Variants in MYBL2 observed in about 807,000 individuals in gnomAD.
MYBL2 encodes the protein MYB proto-oncogene like 2.
In MYBL2, 28 loss-of-function variants were observed where a neutral mutation model predicts 79.9. The observed-to-expected ratio is 0.35, with a 90% CI of 0.26 to 0.48. The LOEUF (loss-of-function observed/expected upper bound fraction) is 0.48. Among genes scored for constraint, MYBL2 ranks in the 20% least tolerant of loss-of-function variants. The pLI, the probability that MYBL2 is intolerant of heterozygous loss-of-function variation, is 0.99. For missense variants in MYBL2, 735 were observed against 893.9 expected, an observed-to-expected ratio of 0.82 and a Z score of 2.27; for synonymous variants, 378 against 361.2, an observed-to-expected ratio of 1.05 and a Z score of -0.53.
intron 6 of MYBL2, among the ~76,000 whole-genome samples, chr20:43,699,234 C>G (rs776746023): frequency 2.0e-5 from 3 of 151,990 alleles, no homozygotes; most frequent in Non-Finnish European, 4.4e-5. Flanking sequence ...TTAGTAGAGA[C>G]AGGGTTTCAC....
rs577939297 is a variant in MYBL2 at position 43,703,331 on chromosome 20, A to G, written c.1365+428A>G. On this transcript the variant is annotated intron_variant, in intron 8 of 13. Transcript: ENST00000217026. ...AGACCTGGGATAGCCAGTGCTGGGG[A>G]TGGGCTTGTAATGAATTAACCAGAA... is the stretch of plus-strand genomic sequence containing the variant. 5.9e-5 allele frequency among the ~76,000 whole-genome samples: 9 copies of G among 152,252 alleles called. No homozygotes were observed. In the South Asian group the frequency reaches 1.9e-3, roughly 32 times the overall value.
chr20:43,716,304 TC>T lies in MYBL2; in HGVS notation c.*219del, dbSNP rs1988032896. The T allele has an allele frequency of 1.5e-6, 1 of 646,514 alleles. No homozygotes were observed. Among genetic ancestry groups the T allele is most frequent in the Non-Finnish European group, 2.5e-6 (1 of 401,636 alleles). 40.0% of individuals were successfully genotyped at this position (646,514 alleles called of 1,614,324 possible). A position where few individuals can be genotyped will look rare whatever the true frequency, so the allele number is the denominator to read the frequency against. ...CTGGTGCTAACAACAAAGTTCCACTTCCAGGTCTGCCTGGTTCCCTCCCCAA... is the reference window on the plus strand; with the variant it reads ...CTGGTGCTAACAACAAAGTTCCACTTCAGGTCTGCCTGGTTCCCTCCCCAA... On this transcript the variant is annotated 3_prime_UTR_variant, in exon 14 of 14. Coordinates refer to ENST00000217026, the MANE Select transcript of MYBL2 (RefSeq NM_002466.4).
At chr20:43,674,305 C>A (rs931996171) in intron 2 of MYBL2, among the ~76,000 whole-genome samples, 1 of 135,254 alleles carries the variant, frequency 7.4e-6, no homozygotes, top group Non-Finnish European at 1.5e-5. Context: ...GGCATAATCT[C>A]AGCTCACTGC....
chr20:43,705,523 T>G (rs956917229), intron 9 of MYBL2, among the ~76,000 whole-genome samples, 165 bp downstream of exon 9: 3 of 152,202 alleles, frequency 2.0e-5, no homozygotes, highest in African/African-American at 7.2e-5. Context: ...GATTTATCAT[T>G]TTTATCGATA....
chr20:43,672,555 A>C (rs562162800), intron 1 of MYBL2, among the ~76,000 whole-genome samples: 1 of 152,286 alleles, frequency 6.6e-6, no homozygotes, highest in Admixed American at 6.5e-5. Context: ...AGATGAGCCT[A>C]GGCAAAATAG....
chr20:43,669,912 AC>A (rs1986818653), intron 1 of MYBL2, among the ~76,000 whole-genome samples: 1 of 152,112 alleles, frequency 6.6e-6, no homozygotes, highest in Admixed American at 6.5e-5. Flanking sequence ...GACCAGCTTG[AC>A]CAATATGGTG....
chr20:43,678,064 C>T (rs1189813417), intron 2 of MYBL2, among the ~76,000 whole-genome samples: 3 of 152,106 alleles, frequency 2.0e-5, no homozygotes, highest in East Asian at 1.9e-4. Flanking sequence ...GGATTAAGGG[C>T]GGTGCAAGAT....
chr20:43,694,765 C>T (rs1322502790), intron 6 of MYBL2, among the ~76,000 whole-genome samples: 1 of 152,194 alleles, frequency 6.6e-6, no homozygotes, highest in Admixed American at 6.5e-5. Flanking sequence ...CTGACAATTT[C>T]TTGTACATCT....
chr20:43,681,373 G>A (rs1490181167), intron 2 of MYBL2, among the ~76,000 whole-genome samples: 2 of 152,156 alleles, frequency 1.3e-5, no homozygotes, highest in African/African-American at 4.8e-5. Context: ...GGTTTTGCAT[G>A]ATAGATGGTT....
chr20:43,678,323 GAAAGAAAGAAAAA>G (rs745409212), intron 2 of MYBL2, among the ~76,000 whole-genome samples: 8,300 of 62,530 alleles, frequency 0.13, 337 homozygotes, highest in Non-Finnish European at 0.19. Context: ...AAGAAAGAAA[GAAAGAAAGAAAAA>G]AAAAAAAAAA....
At chr20:43,692,072 A>G in intron 5 of MYBL2, 85 bp from the exon 6 acceptor site, 1 of 1,315,900 alleles carries the variant, frequency 7.6e-7, no homozygotes, top group Non-Finnish European at 1.1e-6. Context: ...AGGAGCAGGA[A>G]CTTGGCTTAG....
At position 43,687,037 on chromosome 20, in the gene MYBL2, C is replaced by T; in HGVS notation, c.465C>T (p.Asn155=). ...GCGAGGCCCACAAGGTGCTGGGCAACCGCTGGGCCGAGATCGCCAAGATGT... is the reference window on the plus strand; with the variant it reads ...GCGAGGCCCACAAGGTGCTGGGCAATCGCTGGGCCGAGATCGCCAAGATGT... ...IICEAHKVLG[N]RWAEIAKMLP... is the part of the protein sequence containing the mutation. Residue 155 remains asparagine, a synonymous_variant, in exon 5 of 14, where the codon AAC becomes AAT. Coordinates refer to ENST00000217026, the MANE Select transcript of MYBL2 (RefSeq NM_002466.4). The T allele has an allele frequency of 6.2e-7, 1 of 1,613,498 alleles. No individual in the cohort carries two copies. The highest frequency in any genetic ancestry group is 8.5e-7 in the Non-Finnish European group (1 of 1,180,004).
rs137869695 is a variant in MYBL2 at position 43,676,874 on chromosome 20, T to C, written c.114+2975T>C. 2.9e-3 allele frequency among the ~76,000 whole-genome samples: 433 copies of C among 151,648 alleles called. 5 individuals are homozygous for C. Among genetic ancestry groups the C allele is most frequent in the African/African-American group, 0.01 (420 of 41,234 alleles). ...ATCATAGATGTCTTTAATTTTAGGA[T>C]TGGGTTTTTTTTTTTGTATTGTATT... On this transcript the variant is annotated intron_variant, in intron 2 of 13. Transcript: ENST00000217026.
chr20:43,684,226 C>CT (rs112749528), intron 4 of MYBL2, among the ~76,000 whole-genome samples: 7,128 of 144,050 alleles, frequency 0.049, 532 homozygotes, highest in African/African-American at 0.16. Flanking sequence ...CATTCCTGTT[C>CT]TTTTTTTTTT....
chr20:43,700,017 C>T lies in MYBL2; in HGVS notation c.924C>T (p.Leu308=). The change falls in exon 7 of 14, where the codon CTC becomes CTT. Residue 308 remains leucine (L), a synonymous_variant. Coordinates refer to ENST00000217026, the MANE Select transcript of MYBL2 (RefSeq NM_002466.4). Reference sequence around the variant, plus strand: ...TCATCCCTGCTGTGGGTTCTAGCCTCTCTGAAGCCCTGGACTTGATCGAGT... The same window carrying T: ...TCATCCCTGCTGTGGGTTCTAGCCTTTCTGAAGCCCTGGACTTGATCGAGT... ...NLLIPAVGSS[L]SEALDLIESD... is the part of the protein sequence containing the mutation. The T allele has an allele frequency of 6.2e-7, 1 of 1,614,006 alleles. No homozygotes were observed. Among genetic ancestry groups the T allele is most frequent in the South Asian group, 1.1e-5 (1 of 91,078 alleles).
chr20:43,683,108 T>C (rs891460303), intron 4 of MYBL2, among the ~76,000 whole-genome samples: 1 of 152,192 alleles, frequency 6.6e-6, no homozygotes, highest in African/African-American at 2.4e-5. Flanking sequence ...CTGAGGGCTA[T>C]TGGGCTGATT....
intron 1 of MYBL2, among the ~76,000 whole-genome samples, chr20:43,668,223 A>C (rs1405630791): frequency 7.5e-6 from 1 of 133,426 alleles, no homozygotes; most frequent in African/African-American, 3.0e-5. Flanking sequence ...TTTTTTGAGA[A>C]GGAGTCTCGC....
chr20:43,676,332 C>T (rs1987009417), intron 2 of MYBL2, among the ~76,000 whole-genome samples: 1 of 142,316 alleles, frequency 7.0e-6, no homozygotes, highest in African/African-American at 2.6e-5. Context: ...CATGTGTATT[C>T]AGTGTTTGGC....
At chr20:43,714,843 A>G (rs1484320710) in intron 12 of MYBL2, among the ~76,000 whole-genome samples, 1 of 152,106 alleles carries the variant, frequency 6.6e-6, no homozygotes, top group African/African-American at 2.4e-5. Context: ...GTTGACCAGG[A>G]TGGTCTCGAT....
Sources: gnomAD v4.1 joint callset for allele counts (sites outside exome capture counted in the v4.1 genomes callset) on GRCh38, gnomAD v4.1.1 for gene constraint, MANE v1.5 for transcripts, NCBI Gene and HGNC (gene_info 2026-07-23, HGNC 2026-07-21) for gene names.